Variants in ARHGAP24 observed in about 807,000 individuals in gnomAD.
ARHGAP24 encodes Rho GTPase activating protein 24.
ARHGAP24 carries 50 observed loss-of-function variants against 76.4 expected under a neutral mutation model. That is an observed-to-expected ratio of 0.65 (90% CI 0.52 to 0.83). ARHGAP24 has a LOEUF of 0.83. Among genes scored for constraint, ARHGAP24 ranks in the 40% least tolerant of loss-of-function variants. The pLI is 0.00. For synonymous variants in ARHGAP24, 345 were observed against 323.3 expected (o/e 1.07, Z -0.72); for missense variants, 930 against 914.2 (o/e 1.02, Z -0.22).
At chr4:85,761,231 G>C (rs1366453343) in intron 3 of ARHGAP24, among the ~76,000 whole-genome samples, 7 of 152,148 alleles carry the variant, frequency 4.6e-5, no homozygotes, top group African/African-American at 1.7e-4. Context: ...GTTATTTCAT[G>C]TTTTATCACA....
intron 3 of ARHGAP24, among the ~76,000 whole-genome samples, chr4:85,833,355 A>C (rs573096930): frequency 2.0e-5 from 3 of 152,314 alleles, no homozygotes; most frequent in Admixed American, 1.3e-4. Context: ...TCAATTGGAA[A>C]GGTTTTTCTT....
intron 2 of ARHGAP24, among the ~76,000 whole-genome samples, chr4:85,654,330 A>G (rs528116654): frequency 6.6e-6 from 1 of 152,036 alleles, no homozygotes; most frequent in Non-Finnish European, 1.5e-5. Flanking sequence ...TACCCTTATG[A>G]CTCTATGCAA....
intron 3 of ARHGAP24, among the ~76,000 whole-genome samples, chr4:85,797,334 A>G (rs560361874): frequency 5.3e-5 from 8 of 151,906 alleles, no homozygotes; most frequent in Admixed American, 2.0e-4. Flanking sequence ...CACCACGCCC[A>G]GCTAATTTTT....
At chr4:85,910,649 A>G (rs142269079) in intron 3 of ARHGAP24, among the ~76,000 whole-genome samples, 37 of 152,150 alleles carry the variant, frequency 2.4e-4, no homozygotes, top group Middle Eastern at 6.8e-3. Context: ...TGTTCGCCCT[A>G]CAACTCCTGC....
chr4:85,753,967 G>T (rs769240352), intron 3 of ARHGAP24, among the ~76,000 whole-genome samples: 28 of 152,088 alleles, frequency 1.8e-4, no homozygotes, highest in Admixed American at 1.6e-3. Flanking sequence ...ATAAAATGTT[G>T]TTAACTATAA....
intron 1 of ARHGAP24, among the ~76,000 whole-genome samples, chr4:85,523,071 G>A (rs1284597556): frequency 6.6e-6 from 1 of 152,190 alleles, no homozygotes; most frequent in African/African-American, 2.4e-5. Flanking sequence ...ACGTGGTAGA[G>A]TGGTATCCCA....
intron 3 of ARHGAP24, among the ~76,000 whole-genome samples, chr4:85,771,369 G>C (rs1027934248): frequency 6.6e-6 from 1 of 152,208 alleles, no homozygotes; most frequent in Admixed American, 6.5e-5. Flanking sequence ...CAATGTCTGA[G>C]AGGAGAAAAT....
At chr4:85,598,357 C>A (rs1376304677) in intron 2 of ARHGAP24, among the ~76,000 whole-genome samples, 13 of 151,928 alleles carry the variant, frequency 8.6e-5, no homozygotes, top group Non-Finnish European at 1.8e-4. Context: ...TTTAGATATA[C>A]CAGATTTAGG....
At chr4:85,939,940 A>T (rs1736861517) in intron 4 of ARHGAP24, among the ~76,000 whole-genome samples, 2 of 152,182 alleles carry the variant, frequency 1.3e-5, no homozygotes, top group Admixed American at 6.5e-5. Context: ...ATTTATTCCC[A>T]AATGTCAACA....
At chr4:85,874,833 A>ATATATTTTATATAATTT (rs60071164) in intron 3 of ARHGAP24, among the ~76,000 whole-genome samples, 121 of 71,758 alleles carry the variant, frequency 1.7e-3, no homozygotes, top group Admixed American at 2.2e-3. Flanking sequence ...TTATATATAA[A>ATATATTTTATATAATTT]ATATATTTTT....
intron 1 of ARHGAP24, among the ~76,000 whole-genome samples, chr4:85,476,043 GTT>G (rs1722584624): frequency 6.9e-6 from 1 of 144,514 alleles, no homozygotes; most frequent in Non-Finnish European, 1.5e-5. Flanking sequence ...TATAAAATAT[GTT>G]TTAAAATATT....
intron 3 of ARHGAP24, among the ~76,000 whole-genome samples, chr4:85,759,663 G>C (rs182986937): frequency 2.6e-5 from 4 of 152,146 alleles, no homozygotes; most frequent in Non-Finnish European, 5.9e-5. Flanking sequence ...GGACGTGTTA[G>C]AAAGTAGGCG....
rs959101584 is a variant in ARHGAP24 at position 85,540,158 on chromosome 4, TC to T, written c.-20-30362del. 5.3e-4 allele frequency among the ~76,000 whole-genome samples: 81 copies of T among 152,142 alleles called. 1 individual carries two copies. Among genetic ancestry groups the T allele is most frequent in the African/African-American group, 1.9e-3 (77 of 41,554 alleles). ...ACTCATCACATTATTAAAATTAATC[TC>T]CATCAAAATAATTTAGTGTTTAGAG... On this transcript the variant is annotated intron_variant, in intron 1 of 9. Coordinates refer to ENST00000395184, the MANE Select transcript of ARHGAP24 (RefSeq NM_001025616.3).
intron 1 of ARHGAP24, among the ~76,000 whole-genome samples, chr4:85,524,990 T>G (rs2110113144): frequency 6.6e-6 from 1 of 152,266 alleles, no homozygotes; most frequent in East Asian, 1.9e-4. Context: ...TTTGACTGCC[T>G]TTGGGTTCTT....
chr4:85,984,248 G>A (rs1343826553), intron 8 of ARHGAP24, among the ~76,000 whole-genome samples: 2 of 152,184 alleles, frequency 1.3e-5, no homozygotes, highest in African/African-American at 2.4e-5. Context: ...GTAAGTGGGT[G>A]AGTGTCTTAG....
At chr4:85,791,652 G>T (rs1728132757) in intron 3 of ARHGAP24, among the ~76,000 whole-genome samples, 1 of 152,258 alleles carries the variant, frequency 6.6e-6, no homozygotes, top group South Asian at 2.1e-4. Context: ...CCTTCCAATG[G>T]CTATGGGATC....
At chr4:85,632,377 A>G (rs1459543544) in intron 2 of ARHGAP24, among the ~76,000 whole-genome samples, 2 of 152,038 alleles carry the variant, frequency 1.3e-5, no homozygotes, top group Non-Finnish European at 2.9e-5. Context: ...AACTGGGAAC[A>G]TGTGTTGTCC....
chr4:85,536,695 A>G (rs1010546531), intron 1 of ARHGAP24, among the ~76,000 whole-genome samples: 7 of 152,166 alleles, frequency 4.6e-5, no homozygotes, highest in Non-Finnish European at 8.8e-5. Flanking sequence ...GGCAGTATTT[A>G]TAATAGATAC....
chr4:85,493,132 G>A lies in ARHGAP24; in HGVS notation c.-21+17573G>A, dbSNP rs985621772. 5.9e-5 allele frequency among the ~76,000 whole-genome samples: 9 copies of A among 152,278 alleles called. No individual in the cohort carries two copies. The East Asian group carries it at 9.6e-4, about 16-fold the overall frequency. On this transcript the variant is annotated intron_variant, in intron 1 of 9. Coordinates refer to ENST00000395184, the MANE Select transcript of ARHGAP24 (RefSeq NM_001025616.3). ...TTCTCAGTGCATCATATCAGGAAGC[G>A]CATGATGTCAATTTGTCTAAATACT... is the stretch of plus-strand genomic sequence containing the variant.
Sources: allele counts gnomAD v4.1 joint callset (sites outside exome capture counted in the v4.1 genomes callset), GRCh38; gene constraint gnomAD v4.1.1; transcripts MANE v1.5; gene names NCBI Gene and HGNC (gene_info 2026-07-23, HGNC 2026-07-21).